GALNT17: variants seen among roughly 807,000 people sequenced by gnomAD.
GALNT17 encodes polypeptide N-acetylgalactosaminyltransferase 17.
Under a neutral mutation model 63.7 loss-of-function variants are expected in GALNT17, and 29 were observed. The ratio of observed to expected loss-of-function variants is 0.46; its 90% CI spans 0.34 to 0.62. The LOEUF is 0.62. GALNT17 is among the 20% of genes least tolerant of loss of function. The pLI, the probability that GALNT17 is intolerant of heterozygous loss-of-function variation, is 0.01. For missense variants in GALNT17, 603 were observed against 799.6 expected, an observed-to-expected ratio of 0.75 and a Z score of 2.97; for synonymous variants, 305 against 318.3, an observed-to-expected ratio of 0.96 and a Z score of 0.45.
At chr7:71,597,516 T>TAATAAATAAATAAATAAATA (rs34346162) in intron 6 of GALNT17, among the ~76,000 whole-genome samples, 3 of 149,738 alleles carry the variant, frequency 2.0e-5, no homozygotes, top group Admixed American at 6.7e-5. Flanking sequence ...CTTAAAAGAG[T>TAATAAATAAATAAATAAATA]AATAAATAAA....
At chr7:71,159,148 TA>T (rs1788293661) in intron 1 of GALNT17, among the ~76,000 whole-genome samples, 1 of 151,806 alleles carries the variant, frequency 6.6e-6, no homozygotes, top group Non-Finnish European at 1.5e-5. Context: ...CTGTCCCTTC[TA>T]AGCATAGCCC....
intron 9 of GALNT17, among the ~76,000 whole-genome samples, chr7:71,700,050 G>A (rs552729736): frequency 6.6e-6 from 1 of 152,076 alleles, no homozygotes; most frequent in East Asian, 1.9e-4. Context: ...ACAGCAGTTT[G>A]GGAGGCCAAG....
At chr7:71,417,772 T>C (rs2116441973) in intron 4 of GALNT17, among the ~76,000 whole-genome samples, 1 of 152,292 alleles carries the variant, frequency 6.6e-6, no homozygotes, top group Admixed American at 6.5e-5. Flanking sequence ...CATTGCCTCC[T>C]CGTTTCTTTC....
At chr7:71,167,819 A>C (rs561607342) in intron 1 of GALNT17, among the ~76,000 whole-genome samples, 148 of 152,200 alleles carry the variant, frequency 9.7e-4, no homozygotes, top group Admixed American at 1.9e-3. Flanking sequence ...CCTCCAAGGA[A>C]GTTGGGATTA....
At chr7:71,566,944 G>A (rs1789358738) in intron 5 of GALNT17, among the ~76,000 whole-genome samples, 1 of 152,052 alleles carries the variant, frequency 6.6e-6, no homozygotes, top group African/African-American at 2.4e-5. Context: ...AATCATCCGT[G>A]TGCATGGAGC....
At chr7:71,195,691 G>A (rs2116350289) in intron 1 of GALNT17, among the ~76,000 whole-genome samples, 1 of 152,122 alleles carries the variant, frequency 6.6e-6, no homozygotes, top group East Asian at 1.9e-4. Context: ...GGGACTACAG[G>A]CACATGCCAC....
At chr7:71,538,531 A>AAGCTTTT (rs1363446615) in intron 5 of GALNT17, among the ~76,000 whole-genome samples, 1 of 152,184 alleles carries the variant, frequency 6.6e-6, no homozygotes, top group Admixed American at 6.5e-5. Context: ...ATTGATTTAA[A>AAGCTTTT]AGCTTTTAAA....
intron 6 of GALNT17, among the ~76,000 whole-genome samples, chr7:71,618,689 C>A (rs961801682): frequency 6.6e-6 from 1 of 152,044 alleles, no homozygotes; most frequent in African/African-American, 2.4e-5. Flanking sequence ...GACTTAAGTT[C>A]CCTATAGATT....
Position 71,660,171 on chromosome 7 carries a change from G to A in GALNT17, c.1081-5240G>A, listed in dbSNP as rs151285138. On this transcript the variant is annotated intron_variant, in intron 6 of 10. Coordinates refer to ENST00000333538, the MANE Select transcript of GALNT17 (RefSeq NM_022479.3). ...TTGATGAATAAATAAATGGATGAGC[G>A]TCTGTTTCTGGAGTCACCACACCTC... 7.8e-3 allele frequency among the ~76,000 whole-genome samples: 1,189 copies of A among 152,226 alleles called. 22 individuals carry two copies. The highest frequency in any genetic ancestry group is 0.026 in the African/African-American group (1,085 of 41,536).
chr7:71,358,020 G>A (rs1019125086), intron 2 of GALNT17, among the ~76,000 whole-genome samples: 4 of 152,226 alleles, frequency 2.6e-5, no homozygotes, highest in African/African-American at 9.6e-5. Flanking sequence ...ACCCCAGCCA[G>A]CAGCGGCAAC....
intron 9 of GALNT17, among the ~76,000 whole-genome samples, chr7:71,707,482 C>T (rs1477381901): frequency 6.6e-6 from 1 of 152,220 alleles, no homozygotes; most frequent in Non-Finnish European, 1.5e-5. Flanking sequence ...GCAACACCTT[C>T]CCTGTATCAG....
chr7:71,443,022 G>A (rs1363378561), intron 5 of GALNT17, among the ~76,000 whole-genome samples: 1 of 152,170 alleles, frequency 6.6e-6, no homozygotes, highest in Non-Finnish European at 1.5e-5. Flanking sequence ...TCCGACTGTG[G>A]TTTCTGTGGC....
chr7:71,187,533 AAGT>A (rs1300775247), intron 1 of GALNT17, among the ~76,000 whole-genome samples: 3 of 151,966 alleles, frequency 2.0e-5, no homozygotes, highest in Non-Finnish European at 2.9e-5. Context: ...CATGTTTTTG[AAGT>A]AGCCACAAAA....
intron 1 of GALNT17, among the ~76,000 whole-genome samples, chr7:71,295,119 T>C (rs1456930487): frequency 3.3e-5 from 5 of 152,176 alleles, no homozygotes; most frequent in Non-Finnish European, 5.9e-5. Context: ...ATACACTTTC[T>C]ATATGGTAAT....
At chr7:71,702,088 T>G (rs1431272453) in intron 9 of GALNT17, among the ~76,000 whole-genome samples, 3 of 151,478 alleles carry the variant, frequency 2.0e-5, no homozygotes, top group Non-Finnish European at 4.4e-5. Flanking sequence ...AGCTAAACAT[T>G]GGACATAGAA....
chr7:71,630,200 A>G (rs922728838), intron 6 of GALNT17, among the ~76,000 whole-genome samples: 2 of 152,098 alleles, frequency 1.3e-5, no homozygotes, highest in African/African-American at 4.8e-5. Flanking sequence ...GAGCCACTAC[A>G]CCAGGCCAAA....
At chr7:71,315,907 T>C (rs1274086932) in intron 1 of GALNT17, among the ~76,000 whole-genome samples, 1 of 152,084 alleles carries the variant, frequency 6.6e-6, no homozygotes, top group African/African-American at 2.4e-5. Context: ...TTGAGTGAAA[T>C]ATCCCAACTG....
intron 6 of GALNT17, among the ~76,000 whole-genome samples, chr7:71,643,058 C>T (rs373985441): frequency 1.3e-5 from 2 of 152,120 alleles, no homozygotes; most frequent in Non-Finnish European, 2.9e-5. Context: ...TGAACTTCGT[C>T]GATAGGATGG....
intron 2 of GALNT17, among the ~76,000 whole-genome samples, chr7:71,355,827 C>G (rs766686584): frequency 6.6e-6 from 1 of 151,934 alleles, no homozygotes; most frequent in Non-Finnish European, 1.5e-5. Flanking sequence ...GCCACCATGC[C>G]CAGCAGATTC....
Sources: gnomAD v4.1 joint callset for allele counts (sites outside exome capture counted in the v4.1 genomes callset) on GRCh38, gnomAD v4.1.1 for gene constraint, MANE v1.5 for transcripts, NCBI Gene and HGNC (gene_info 2026-07-23, HGNC 2026-07-21) for gene names.